LPAR6: variants seen among roughly 807,000 people sequenced by gnomAD.
The protein encoded by LPAR6 is lysophosphatidic acid receptor 6, also known as G-protein coupled purinergic receptor P2Y5.
LPAR6 carries 17 observed loss-of-function variants against 22.0 expected under a neutral mutation model. The ratio of observed to expected loss-of-function variants is 0.77; its 90% CI spans 0.53 to 1.16. The LOEUF (loss-of-function observed/expected upper bound fraction) is 1.16. Ranked by LOEUF, LPAR6 falls within the 50% of genes most tolerant of loss-of-function variation. The probability of loss-of-function intolerance (pLI) is 0.00; values close to 1 mark genes in which losing one functional copy is unlikely to be tolerated. For missense variants in LPAR6, 384 were observed against 406.9 expected (o/e 0.94, Z 0.48); for synonymous variants, 136 against 139.8 (o/e 0.97, Z 0.19).
At chr13:48,400,296 T>G (rs528688383) in intron 1 of LPAR6, among the ~76,000 whole-genome samples, 1 of 152,262 alleles carries the variant, frequency 6.6e-6, no homozygotes, top group Admixed American at 6.5e-5. Context: ...CTCACAACTC[T>G]ATGAAATAGA....
chr13:48,393,381 A>G (rs548164004), intron 1 of LPAR6, among the ~76,000 whole-genome samples: 2 of 152,112 alleles, frequency 1.3e-5, no homozygotes, highest in African/African-American at 4.8e-5. Context: ...TCATCTCTGG[A>G]CTGTGGACCA....
intron 1 of LPAR6, among the ~76,000 whole-genome samples, chr13:48,423,298 G>C (rs1405128358): frequency 6.6e-6 from 1 of 151,988 alleles, no homozygotes; most frequent in Non-Finnish European, 1.5e-5. Context: ...TTTTTGAGAC[G>C]GAGTCTTGCT....
At chr13:48,443,938 C>G (rs1481723619) in intron 1 of LPAR6, among the ~76,000 whole-genome samples, 1 of 152,146 alleles carries the variant, frequency 6.6e-6, no homozygotes, top group Non-Finnish European at 1.5e-5. Flanking sequence ...TTCTTCTGCT[C>G]TCATACCACC....
intron 1 of LPAR6, among the ~76,000 whole-genome samples, chr13:48,431,925 G>GT: frequency 6.6e-6 from 1 of 152,160 alleles, no homozygotes; most frequent in East Asian, 1.9e-4. Context: ...TTTATTGAGT[G>GT]TAACTGTGTA....
intron 1 of LPAR6, among the ~76,000 whole-genome samples, chr13:48,393,587 G>A (rs533732682): frequency 3.4e-4 from 52 of 152,300 alleles, no homozygotes; most frequent in African/African-American, 1.2e-3. Context: ...GTTACTAAAC[G>A]TAAGGCTTAG....
intron 2 of LPAR6, among the ~76,000 whole-genome samples, chr13:48,420,371 T>C (rs1169753477): frequency 1.3e-5 from 2 of 152,216 alleles, no homozygotes; most frequent in African/African-American, 4.8e-5. Context: ...AAACTTCATA[T>C]TGATGGAATG....
chr13:48,395,797 G>GAA (rs1372876492), intron 1 of LPAR6, among the ~76,000 whole-genome samples: 1 of 152,094 alleles, frequency 6.6e-6, no homozygotes, highest in Non-Finnish European at 1.5e-5. Flanking sequence ...AACCAAGTTA[G>GAA]AAAACACTCT....
intron 1 of LPAR6, among the ~76,000 whole-genome samples, chr13:48,395,150 A>T (rs187904771): frequency 1.3e-5 from 2 of 152,214 alleles, no homozygotes; most frequent in Admixed American, 1.3e-4. Flanking sequence ...CCTGCAGCAG[A>T]GGGGCCTGAC....
At chr13:48,436,635 C>G (rs1386459218) in intron 1 of LPAR6, among the ~76,000 whole-genome samples, 3 of 143,892 alleles carry the variant, frequency 2.1e-5, no homozygotes, top group Non-Finnish European at 3.1e-5. Flanking sequence ...AAGAGCAAGA[C>G]TCTCTCTTAA....
intron 1 of LPAR6, among the ~76,000 whole-genome samples, chr13:48,393,447 C>A (rs1434224549): frequency 6.6e-6 from 1 of 152,138 alleles, no homozygotes; most frequent in Admixed American, 6.5e-5. Flanking sequence ...ATTTGTTTTC[C>A]TTCTCCCAGG....
At chr13:48,439,509 G>GT (rs894576081) in intron 1 of LPAR6, 2 of 152,082 alleles carry the variant, frequency 1.3e-5, no homozygotes, top group Non-Finnish European at 2.9e-5. Flanking sequence ...ATCCTCACCA[G>GT]TCCACACAAC....
chr13:48,443,381 T>C (rs1949256936), intron 1 of LPAR6, among the ~76,000 whole-genome samples: 1 of 152,052 alleles, frequency 6.6e-6, no homozygotes, highest in Non-Finnish European at 1.5e-5. Context: ...AAAAAGAAGT[T>C]TAAAAGAGTT....
chr13:48,413,921 T>A (rs1358847377), upstream of LPAR6, among the ~76,000 whole-genome samples: 1 of 152,210 alleles, frequency 6.6e-6, no homozygotes, highest in Non-Finnish European at 1.5e-5. Context: ...GTTCATAGTC[T>A]TATCTTCCTT....
At chr13:48,420,755 A>G (rs1948993518) in intron 2 of LPAR6, among the ~76,000 whole-genome samples, 2 of 152,160 alleles carry the variant, frequency 1.3e-5, no homozygotes, top group Non-Finnish European at 2.9e-5. Context: ...AGACAAACAG[A>G]GAGCCAAATC....
chr13:48,437,139 A>G (rs139276189), intron 1 of LPAR6, among the ~76,000 whole-genome samples: 148 of 152,326 alleles, frequency 9.7e-4, no homozygotes, highest in Middle Eastern at 3.4e-3. Flanking sequence ...AGTGAAATTT[A>G]TACTAATCTT....
intron 1 of LPAR6, among the ~76,000 whole-genome samples, chr13:48,438,789 G>T (rs1208248696): frequency 6.6e-6 from 1 of 152,028 alleles, no homozygotes; most frequent in Non-Finnish European, 1.5e-5. Context: ...GCTATGTCTG[G>T]CATTCAATAA....
chr13:48,442,564 G>C (rs767422353), intron 1 of LPAR6, among the ~76,000 whole-genome samples: 13 of 152,094 alleles, frequency 8.5e-5, no homozygotes, highest in Non-Finnish European at 1.5e-4. Context: ...TCTTTAACAA[G>C]GTTTTTTTCC....
In LPAR6 at chr13:48,411,695, A is replaced by T. The variant is rs1306085812; in HGVS notation, c.729T>A (p.Val243=). ...ATAAAATAAGATTGATATTGTAAGG[A>T]ACAAAACAGAAACAGAATATGATCA... ...VHLIIFCFCF[V]PYNINLILYS... Residue 243 remains valine (V), a synonymous_variant, in exon 1 of 1, where the codon GTT becomes GTA. Transcript: ENST00000620633. 6.2e-7 allele frequency: 1 copy of T among 1,608,186 alleles called. No homozygotes were observed. The highest frequency in any genetic ancestry group is 1.3e-5 in the African/African-American group (1 of 74,896).
In LPAR6 at chr13:48,412,788, T is replaced by A. The variant is rs775040612; in HGVS notation, c.-365A>T. 3.6e-6 allele frequency: 1 copy of A among 276,606 alleles called. No homozygotes were observed. The highest frequency in any genetic ancestry group is 7.5e-6 in the Non-Finnish European group (1 of 133,790). The allele number at this position is 276,606 out of a possible 1,614,324, so 17.1% of individuals were successfully genotyped here. A position where few individuals can be genotyped will look rare whatever the true frequency, so the allele number is the denominator to read the frequency against. On this transcript the variant is annotated 5_prime_UTR_variant, in exon 1 of 1. Coordinates refer to ENST00000620633, the MANE Select transcript of LPAR6 (RefSeq NM_001162498.3). ...TCTGTGACCAGAATGAAACCACTTG[T>A]CTTCTAAACTTGTATTTCAGTAGTC...
Sources: allele counts gnomAD v4.1 joint callset (sites outside exome capture counted in the v4.1 genomes callset), GRCh38; gene constraint gnomAD v4.1.1; transcripts MANE v1.5; gene names NCBI Gene and HGNC (gene_info 2026-07-23, HGNC 2026-07-21).